The following SH3GL3 variants were observed in gnomAD, a reference collection of about 807,000 sequenced individuals.
SH3GL3 encodes endophilin-A3.
A neutral mutation model predicts 47.7 loss-of-function variants in SH3GL3; 33 were observed. The observed-to-expected ratio is 0.69, with a 90% CI of 0.52 to 0.92. The LOEUF is 0.92. SH3GL3 is among the 40% of genes least tolerant of loss of function. The pLI, the probability that SH3GL3 is intolerant of heterozygous loss-of-function variation, is 0.00. For missense variants in SH3GL3, 363 were observed against 417.8 expected (o/e 0.87, Z 1.14); for synonymous variants, 155 against 148.8 (o/e 1.04, Z -0.30).
intron 2 of SH3GL3, among the ~76,000 whole-genome samples, chr15:83,560,603 T>C (rs748360727): frequency 1.3e-5 from 2 of 152,206 alleles, no homozygotes; most frequent in Non-Finnish European, 2.9e-5. Context: ...CCTTCTTGCT[T>C]ACCTCCTTTT....
At position 83,551,532 on chromosome 15, in the gene SH3GL3, T is replaced by C. The variant is rs2044668865; in HGVS notation, c.46-7721T>C. ...TCTTCAAACTATGTGTCCCCTGTCA[T>C]CGCCTAACCGATCTGCCTGTCCACC... is the stretch of plus-strand genomic sequence containing the variant. On this transcript the variant is annotated intron_variant, in intron 1 of 8. Transcript: ENST00000427482. Among the ~76,000 whole-genome samples, 3 of 152,178 alleles carry C rather than the reference T, an allele frequency of 2.0e-5. No individual in the cohort carries two copies. The South Asian group carries it at 6.2e-4, about 32-fold the overall frequency.
At chr15:83,463,029 T>C (rs929267154) in intron 1 of SH3GL3, among the ~76,000 whole-genome samples, 3 of 152,134 alleles carry the variant, frequency 2.0e-5, no homozygotes, top group Admixed American at 6.5e-5. Context: ...GTTGCAGATA[T>C]GAGGATAAAG....
rs781231570 is a variant in SH3GL3, at chr15:83,572,696, G to A, written c.463G>A (p.Gly155Arg). 14 of 1,605,932 alleles carry A rather than the reference G, an allele frequency of 8.7e-6. No homozygotes were observed. The highest frequency in any genetic ancestry group is 3.3e-5 in the South Asian group (3 of 90,430). ...ACAAGATAAAGATTTAAAAGAGATC[G>A]GGGTAAGTCTTCCAGGGTATAAATA... Reference protein sequence around the residue: ...LLQDKDLKEIGHHLKKLEGRR... With the variant: ...LLQDKDLKEIRHHLKKLEGRR... Residue 155 changes from glycine (G) to arginine (R), a missense_variant and splice_region_variant, in exon 5 of 9, where the codon GGG (glycine) becomes AGG (arginine). By Grantham distance (125) the Gly-to-Arg change is moderately radical. Coordinates refer to ENST00000427482, the MANE Select transcript of SH3GL3 (RefSeq NM_003027.5).
chr15:83,572,174 A>G (rs1240848761), intron 4 of SH3GL3, among the ~76,000 whole-genome samples: 2 of 152,226 alleles, frequency 1.3e-5, no homozygotes, highest in African/African-American at 4.8e-5. Context: ...TTACTGGTTA[A>G]CACTTAGCCC....
At chr15:83,620,701 C>A (rs757924708), downstream of SH3GL3, among the ~76,000 whole-genome samples, 2 of 152,192 alleles carry the variant, frequency 1.3e-5, no homozygotes, top group Admixed American at 6.5e-5. Context: ...TTCTTAAGGA[C>A]CCTAAAATTT....
chr15:83,477,326 C>T (rs2041146161), intron 1 of SH3GL3, among the ~76,000 whole-genome samples: 1 of 152,200 alleles, frequency 6.6e-6, no homozygotes, highest in South Asian at 2.1e-4. Flanking sequence ...CCAACTTCAT[C>T]TTGCCTTCTC....
intron 8 of SH3GL3, among the ~76,000 whole-genome samples, chr15:83,607,729 A>G (rs1166796346): frequency 6.6e-6 from 1 of 152,098 alleles, no homozygotes; most frequent in Non-Finnish European, 1.5e-5. Flanking sequence ...AAAAGCAAGG[A>G]GCAGGCCAGA....
intron 6 of SH3GL3, 57 bp from the exon 7 acceptor site, chr15:83,586,926 C>A: frequency 1.1e-6 from 1 of 897,916 alleles, no homozygotes; most frequent in Non-Finnish European, 1.8e-6. Context: ...TCTCCTCTCT[C>A]TCTGGACATT....
chr15:83,533,164 A>G (rs1165966406), intron 1 of SH3GL3, among the ~76,000 whole-genome samples: 2 of 152,222 alleles, frequency 1.3e-5, no homozygotes, highest in Non-Finnish European at 2.9e-5. Context: ...TGTCTATGAC[A>G]CCTTAAGAGG....
At chr15:83,570,559 A>G (rs2045766612) in intron 4 of SH3GL3, among the ~76,000 whole-genome samples, 1 of 152,208 alleles carries the variant, frequency 6.6e-6, no homozygotes, top group South Asian at 2.1e-4. Flanking sequence ...AAATTAATAC[A>G]TTAAATTGAG....
At chr15:83,564,193 T>C (rs2045426473) in intron 2 of SH3GL3, among the ~76,000 whole-genome samples, 1 of 152,162 alleles carries the variant, frequency 6.6e-6, no homozygotes, top group African/African-American at 2.4e-5. Flanking sequence ...TTTAATCATG[T>C]ATATAGTATG....
the SH3GL3 span, among the ~76,000 whole-genome samples, chr15:83,631,753 C>G: frequency 6.6e-6 from 1 of 152,326 alleles, no homozygotes; most frequent in Non-Finnish European, 1.5e-5. Context: ...TCCTGGGCCT[C>G]TGGGCCTGTG....
rs1567318555 is a variant in SH3GL3 at position 83,541,310 on chromosome 15, C to CAATTTTTTTTT, written c.46-17943_46-17942insAATTTTTTTTT. ...GGGATGGCTGGATCATATGGTAATT[C>CAATTTTTTTTT]TATTTTTTTTTTTTTTTTTTTTTTT... On this transcript the variant is annotated intron_variant, in intron 1 of 8. Transcript: ENST00000427482. Among the ~76,000 whole-genome samples, 23 of 47,744 alleles carry CAATTTTTTTTT rather than the reference C, an allele frequency of 4.8e-4. 1 individual carries two copies. The highest frequency in any genetic ancestry group is 1.4e-3 in the African/African-American group (22 of 15,286). 31.3% of individuals were successfully genotyped at this position (47,744 alleles called of 152,430 possible). A position where few individuals can be genotyped will look rare whatever the true frequency, so the allele number is the denominator to read the frequency against.
intron 6 of SH3GL3, among the ~76,000 whole-genome samples, chr15:83,585,902 G>A (rs1843970456): frequency 6.6e-6 from 1 of 152,192 alleles, no homozygotes. Context: ...AGAATGATTT[G>A]CAACTACAAA....
intron 1 of SH3GL3, chr15:83,490,810 T>A: frequency 6.2e-7 from 1 of 1,614,052 alleles, no homozygotes; most frequent in Non-Finnish European, 8.5e-7. Flanking sequence ...CATTGAGGAC[T>A]CTCTTAAATC....
chr15:83,587,620 A>G (rs562818618), intron 7 of SH3GL3, among the ~76,000 whole-genome samples: 1 of 152,280 alleles, frequency 6.6e-6, no homozygotes, highest in East Asian at 1.9e-4. Flanking sequence ...AAAGAGTCAA[A>G]ATATTGACAA....
chr15:83,559,653 A>C (rs2045158717), intron 2 of SH3GL3, among the ~76,000 whole-genome samples: 4 of 152,214 alleles, frequency 2.6e-5, no homozygotes, highest in Admixed American at 2.6e-4. Flanking sequence ...GGAGAATCAA[A>C]ATGTATTTCT....
At chr15:83,559,003 T>A (rs1368178101) in intron 1 of SH3GL3, among the ~76,000 whole-genome samples, 1 of 152,262 alleles carries the variant, frequency 6.6e-6, no homozygotes, top group Non-Finnish European at 1.5e-5. Context: ...CTTGTCTATG[T>A]CCTACAGCAC....
intron 3 of SH3GL3, among the ~76,000 whole-genome samples, chr15:83,566,852 T>C (rs748709486): frequency 1.3e-5 from 2 of 152,202 alleles, no homozygotes; most frequent in Non-Finnish European, 2.9e-5. Flanking sequence ...ATGTCACTAC[T>C]CACAGTGCAT....
Sources: allele counts gnomAD v4.1 joint callset (sites outside exome capture counted in the v4.1 genomes callset), GRCh38; gene constraint gnomAD v4.1.1; transcripts MANE v1.5; gene names NCBI Gene and HGNC (gene_info 2026-07-23, HGNC 2026-07-21).